The following CEP55 variants were observed in gnomAD, a reference collection of about 807,000 sequenced individuals.
CEP55 encodes centrosomal protein of 55 kDa.
CEP55 carries 57 observed loss-of-function variants against 63.2 expected under a neutral mutation model. The ratio of observed to expected loss-of-function variants is 0.90; its 90% CI spans 0.73 to 1.13. CEP55 has a LOEUF of 1.13. Among genes scored for constraint, CEP55 ranks in the 50% most tolerant of loss-of-function variants. The pLI is 0.00. For synonymous variants in CEP55, 178 were observed against 191.6 expected (o/e 0.93, Z 0.59); for missense variants, 456 against 518.9 (o/e 0.88, Z 1.18).
In CEP55 at chr10:93,516,957, G is replaced by C. The variant is rs773605022; in HGVS notation, c.702G>C (p.Gln234His). 1 of 1,586,318 alleles carries C rather than the reference G, an allele frequency of 6.3e-7. No homozygotes were observed. The highest frequency in any genetic ancestry group is 8.6e-7 in the Non-Finnish European group (1 of 1,163,038). Reference sequence around the variant, plus strand: ...TAGGTTATCTTCAAGAAGAGAAGCAGAAATGTTACAACGATCTCTTGGCAA... The same window carrying C: ...TAGGTTATCTTCAAGAAGAGAAGCACAAATGTTACAACGATCTCTTGGCAA... ...ESEGYLQEEK[Q>H]KCYNDLLASA... is the part of the protein sequence containing the mutation. The change falls in exon 6 of 9, where the codon CAG (glutamine) becomes CAC (histidine). Residue 234 changes from glutamine (Q) to histidine (H), a missense_variant. By Grantham distance (24) the Gln-to-His change is conservative. Coordinates refer to ENST00000371485, the MANE Select transcript of CEP55 (RefSeq NM_018131.5).
chr10:93,522,096 T>C (rs572821155), intron 8 of CEP55, among the ~76,000 whole-genome samples: 2 of 152,262 alleles, frequency 1.3e-5, no homozygotes, highest in South Asian at 2.1e-4. Context: ...GGATGGAGAA[T>C]GAAGAGTTGA....
chr10:93,527,905 A>G (rs918185045), intron 8 of CEP55, 45 bp from the exon 9 acceptor site: 22 of 1,526,072 alleles, frequency 1.4e-5, no homozygotes, highest in Non-Finnish European at 2.0e-5. Context: ...AAAGCTGAAC[A>G]TTGGCCCTAT....
chr10:93,523,017 A>G (rs1483687171), intron 8 of CEP55, among the ~76,000 whole-genome samples: 1 of 152,184 alleles, frequency 6.6e-6, no homozygotes, highest in African/African-American at 2.4e-5. Flanking sequence ...AGGCTAGGAA[A>G]AAACTGCATC....
intron 6 of CEP55, 40 bp from the exon 7 acceptor site, chr10:93,518,837 G>T: frequency 6.9e-7 from 1 of 1,450,788 alleles, no homozygotes; most frequent in South Asian, 1.2e-5. Flanking sequence ...AGCCGGAAAA[G>T]GTTGGATGTG....
rs1023088608 is a variant in CEP55 at position 93,507,280 on chromosome 10, G to A, written c.528+224G>A. Among the ~76,000 whole-genome samples the A allele has an allele frequency of 2.7e-5, 4 of 148,302 alleles. No homozygotes were observed. In the South Asian group the frequency reaches 8.8e-4, roughly 33 times the overall value. Reference sequence around the variant, plus strand: ...CTCGGTCTGTTGCCCAGGCTGGAGTGCAGTGGCATCTTGGTTCACTGCAAC... The same window carrying A: ...CTCGGTCTGTTGCCCAGGCTGGAGTACAGTGGCATCTTGGTTCACTGCAAC... On this transcript the variant is annotated intron_variant, in intron 4 of 8. Transcript: ENST00000371485.
chr10:93,527,842 C>T (rs1242765998), intron 8 of CEP55, 108 bp from the exon 9 acceptor site: 2 of 919,064 alleles, frequency 2.2e-6, no homozygotes, highest in Non-Finnish European at 3.3e-6. Context: ...GTTTGTGCCA[C>T]TACACTCTGG....
chr10:93,497,846 C>T (rs989316554), intron 1 of CEP55, among the ~76,000 whole-genome samples: 2 of 151,596 alleles, frequency 1.3e-5, no homozygotes, highest in East Asian at 2.0e-4. Context: ...TGGCCGGGCG[C>T]GGTGGTTCAC....
At chr10:93,513,118 C>T (rs1037332773) in intron 4 of CEP55, among the ~76,000 whole-genome samples, 4 of 152,160 alleles carry the variant, frequency 2.6e-5, no homozygotes, top group Non-Finnish European at 4.4e-5. Context: ...ACAATATCTC[C>T]ACTTGACAAA....
At chr10:93,515,002 A>G (rs1785522353) in intron 4 of CEP55, among the ~76,000 whole-genome samples, 2 of 152,076 alleles carry the variant, frequency 1.3e-5, no homozygotes, top group Non-Finnish European at 2.9e-5. Flanking sequence ...TGAACTCCTG[A>G]CCTCAGGTGA....
chr10:93,506,490 GA>G (rs1415835056), intron 3 of CEP55, among the ~76,000 whole-genome samples: 1 of 152,082 alleles, frequency 6.6e-6, no homozygotes, highest in East Asian at 1.9e-4. Flanking sequence ...AACTTCAGGG[GA>G]TCTTAATTTT....
At chr10:93,510,910 C>G (rs11187487) in intron 4 of CEP55, among the ~76,000 whole-genome samples, 9,783 of 148,788 alleles carry the variant, frequency 0.066, 352 homozygotes, top group Non-Finnish European at 0.076. Context: ...CAAACCTGGG[C>G]GAAGACCTTT....
intron 2 of CEP55, among the ~76,000 whole-genome samples, chr10:93,502,375 C>A (rs1344256754): frequency 6.6e-6 from 1 of 152,146 alleles, no homozygotes; most frequent in African/African-American, 2.4e-5. Flanking sequence ...TAACCATGCC[C>A]CTAAACTTAA....
intron 4 of CEP55, among the ~76,000 whole-genome samples, chr10:93,513,016 A>T (rs1219013804): frequency 2.0e-5 from 3 of 152,236 alleles, no homozygotes; most frequent in Non-Finnish European, 4.4e-5. Flanking sequence ...TCAATAAGAC[A>T]GACTCTTTAA....
intron 8 of CEP55, among the ~76,000 whole-genome samples, chr10:93,524,268 T>G (rs1485249903): frequency 2.6e-5 from 4 of 151,998 alleles, no homozygotes; most frequent in Non-Finnish European, 5.9e-5. Context: ...ATCACACCGA[T>G]CCCACAGAAA....
At chr10:93,514,715 G>A (rs1461467457) in intron 4 of CEP55, among the ~76,000 whole-genome samples, 1 of 152,226 alleles carries the variant, frequency 6.6e-6, no homozygotes, top group Non-Finnish European at 1.5e-5. Flanking sequence ...TTAACAGATG[G>A]AGGCTGTCAG....
chr10:93,512,430 C>T (rs1416272261), intron 4 of CEP55, among the ~76,000 whole-genome samples: 5 of 149,678 alleles, frequency 3.3e-5, no homozygotes, highest in African/African-American at 1.2e-4. Flanking sequence ...AAGAGAATCG[C>T]TTGAACCCGG....
rs548323238 is a variant in CEP55 at position 93,522,968 on chromosome 10, C to T, written c.1191+3161C>T. On this transcript the variant is annotated intron_variant, in intron 8 of 8. Transcript: ENST00000371485. The stretch of plus-strand genomic sequence containing the variant: ...AAACGTGGAAAGGAACAACCAGTAC[C>T]AGCCACTGCAAAAACATGCCAAATT... Among the ~76,000 whole-genome samples, 108 of 152,292 alleles carry T rather than the reference C, an allele frequency of 7.1e-4. 1 individual carries two copies. The highest frequency in any genetic ancestry group is 2.5e-3 in the African/African-American group (104 of 41,568).
intron 4 of CEP55, among the ~76,000 whole-genome samples, chr10:93,511,095 C>T (rs1017188622): frequency 6.6e-6 from 1 of 151,964 alleles, no homozygotes; most frequent in African/African-American, 2.4e-5. Context: ...CCTGCCATTG[C>T]GCCTGGCTAA....
Position 93,500,671 on chromosome 10 carries a change from T to G in CEP55, c.183+437T>G, listed in dbSNP as rs188959793. Among the ~76,000 whole-genome samples the G allele has an allele frequency of 2.5e-3, 374 of 152,352 alleles. 1 individual carries two copies. The highest frequency in any genetic ancestry group is 0.01 in the Middle Eastern group (3 of 294). On this transcript the variant is annotated intron_variant, in intron 2 of 8. Transcript: ENST00000371485. Reference sequence around the variant, plus strand: ...TGAATATTCTTGATAACTTTTGTTATGCTGTATTTAAGATTGTGAAACATT... The same window carrying G: ...TGAATATTCTTGATAACTTTTGTTAGGCTGTATTTAAGATTGTGAAACATT...
Sources: gnomAD v4.1 joint callset for allele counts (sites outside exome capture counted in the v4.1 genomes callset) on GRCh38, gnomAD v4.1.1 for gene constraint, MANE v1.5 for transcripts, NCBI Gene and HGNC (gene_info 2026-07-23, HGNC 2026-07-21) for gene names.